ATP2B2: variants seen among roughly 807,000 people sequenced by gnomAD.
The protein encoded by ATP2B2 is ATPase plasma membrane Ca2+ transporting 2.
In ATP2B2, 15 loss-of-function variants were observed where a neutral mutation model predicts 120.0. That is an observed-to-expected ratio of 0.12 (90% CI 0.08 to 0.19). The LOEUF (loss-of-function observed/expected upper bound fraction) is 0.19. ATP2B2 is among the 10% of genes least tolerant of loss of function. ATP2B2 has a pLI of 1.00. For synonymous variants in ATP2B2, 694 were observed against 700.3 expected (o/e 0.99, Z 0.14); for missense variants, 1,045 against 1,719.8 (o/e 0.61, Z 6.94).
intron 9 of ATP2B2, among the ~76,000 whole-genome samples, chr3:10,378,616 C>T (rs970857100): frequency 6.6e-6 from 1 of 152,194 alleles, no homozygotes; most frequent in Non-Finnish European, 1.5e-5. Context: ...CAGTGGTACT[C>T]GCTGCCTCAG....
chr3:10,449,217 G>C, intron 2 of ATP2B2, 128 bp downstream of exon 2: 1 of 1,055,764 alleles, frequency 9.5e-7, no homozygotes, highest in Non-Finnish European at 1.4e-6. Context: ...CACTACAATG[G>C]CCATTCTGGC....
chr3:10,336,015 C>T, intron 22 of ATP2B2: 1 of 1,305,596 alleles, frequency 7.7e-7, no homozygotes, highest in South Asian at 1.4e-5. Context: ...CCCTTCATCC[C>T]CCTGGGCCTG....
chr3:10,684,341 GAGA>G lies in ATP2B2; in HGVS notation c.-460+23571_-460+23573del, dbSNP rs1282007214. Among the ~76,000 whole-genome samples the G allele has an allele frequency of 5.3e-5, 8 of 152,232 alleles. No homozygotes were observed. In the East Asian group the frequency reaches 1.5e-3, roughly 29 times the overall value. On this transcript the variant is annotated intron_variant, in intron 1 of 21. Coordinates refer to the ATP2B2 transcript ENST00000646379. ...CTGGAATGCTGAAAAGCAGAGCTGA[GAGA>G]AGGAGAGGAAAACTGAGCCCTAGTA...
rs73121339 is a variant in ATP2B2 at position 10,534,759 on chromosome 3, A to T, written c.-414-626T>A. On this transcript the variant is annotated intron_variant, in intron 2 of 21. Coordinates refer to the ATP2B2 transcript ENST00000646379. ...TTTTTCAGGATTTTTGTGAGGGGTA[A>T]CTAAAATATAATATGCATAAGTGCC... 6.4e-3 allele frequency among the ~76,000 whole-genome samples: 979 copies of T among 152,228 alleles called. 8 individuals are homozygous for T. Among genetic ancestry groups the T allele is most frequent in the African/African-American group, 0.023 (935 of 41,544 alleles).
chr3:10,613,832 T>C (rs2069307951), intron 2 of ATP2B2, among the ~76,000 whole-genome samples: 1 of 151,254 alleles, frequency 6.6e-6, no homozygotes, highest in South Asian at 2.1e-4. Flanking sequence ...CCACCTCCCC[T>C]GGAATTAAGG....
At chr3:10,663,191 T>G (rs1195789740) in intron 1 of ATP2B2, among the ~76,000 whole-genome samples, 2 of 151,570 alleles carry the variant, frequency 1.3e-5, no homozygotes, top group African/African-American at 4.9e-5. Context: ...TGTATAAATA[T>G]GTAACAAACC....
chr3:10,618,463 G>T (rs772789032), intron 2 of ATP2B2, among the ~76,000 whole-genome samples: 5 of 152,176 alleles, frequency 3.3e-5, no homozygotes, highest in African/African-American at 7.2e-5. Flanking sequence ...AAGAGACAAG[G>T]CTATCGAGGT....
intron 5 of ATP2B2, 92 bp from the exon 6 acceptor site, chr3:10,388,494 C>A (rs1365585998): frequency 5.7e-6 from 9 of 1,583,542 alleles, no homozygotes; most frequent in South Asian, 2.2e-5. Context: ...CAGCTCCTGG[C>A]TCTTTGCCTG....
At chr3:10,371,180 A>G (rs953131885) in intron 12 of ATP2B2, among the ~76,000 whole-genome samples, 7 of 152,336 alleles carry the variant, frequency 4.6e-5, no homozygotes, top group Admixed American at 2.0e-4. Flanking sequence ...GCAAAAAGTG[A>G]TAACGTGGCG....
chr3:10,408,988 G>A (rs1406303284), intron 3 of ATP2B2, among the ~76,000 whole-genome samples: 1 of 152,222 alleles, frequency 6.6e-6, no homozygotes, highest in South Asian at 2.1e-4. Context: ...TGCTGTCTCA[G>A]GGCCTTGGTT....
chr3:10,643,282 C>T (rs1179565018), intron 1 of ATP2B2, among the ~76,000 whole-genome samples: 1 of 152,098 alleles, frequency 6.6e-6, no homozygotes, highest in South Asian at 2.1e-4. Context: ...TGGGAGAGAA[C>T]GGAGAGCTCT....
At position 10,502,173 on chromosome 3, in the gene ATP2B2, C is replaced by G. The variant is rs141971865; in HGVS notation, c.-320+3292G>C. Among the ~76,000 whole-genome samples the G allele has an allele frequency of 3.1e-3, 478 of 152,232 alleles. 2 individuals carry two copies. The highest frequency in any genetic ancestry group is 3.9e-3 in the Non-Finnish European group (266 of 67,984). On this transcript the variant is annotated intron_variant, in intron 1 of 22. Transcript: ENST00000360273. ...ACTAGAGATTTCTTTCCTTTTTTCCCTTTCTGATCTCAGAGTTGGCCAGTT... is the reference window on the plus strand; with the variant it reads ...ACTAGAGATTTCTTTCCTTTTTTCCGTTTCTGATCTCAGAGTTGGCCAGTT...
intron 2 of ATP2B2, among the ~76,000 whole-genome samples, chr3:10,615,815 ACTT>A (rs1348493163): frequency 6.6e-6 from 1 of 152,166 alleles, no homozygotes; most frequent in Admixed American, 6.5e-5. Context: ...TCTCTAACTC[ACTT>A]CTTCTCACTT....
Position 10,422,973 on chromosome 3 carries a change from T to C in ATP2B2, c.200-12158A>G, listed in dbSNP as rs1471048971. ...CTTCCCACATGGGCAGGGAAGTGGG[T>C]GTGGGGGCTGGGGATCTGAGTGGAA... On this transcript the variant is annotated intron_variant, in intron 2 of 22. Transcript: ENST00000360273. 2.0e-5 allele frequency among the ~76,000 whole-genome samples: 3 copies of C among 152,200 alleles called. No homozygotes were observed. In the East Asian group the frequency reaches 5.8e-4, roughly 29 times the overall value.
chr3:10,610,640 G>A (rs897829431), intron 2 of ATP2B2, among the ~76,000 whole-genome samples: 4 of 152,146 alleles, frequency 2.6e-5, no homozygotes, highest in South Asian at 2.1e-4. Context: ...TTTCCTTCTC[G>A]CAAGCAAAAG....
chr3:10,665,458 CAA>C (rs1281233837), intron 1 of ATP2B2, among the ~76,000 whole-genome samples: 5 of 152,146 alleles, frequency 3.3e-5, no homozygotes, highest in Non-Finnish European at 7.3e-5. Flanking sequence ...TATCTCTCAG[CAA>C]GCACAACTTG....
rs528595768 is a variant in ATP2B2, at chr3:10,402,092, A to G, written c.654T>C (p.Tyr218=). The G allele has an allele frequency of 8.7e-6, 14 of 1,613,686 alleles. 2 individuals are homozygous for G. The Admixed American group carries it at 1.8e-4, about 21-fold the overall frequency. The change falls in exon 4 of 23, where the codon TAT becomes TAC. Residue 218 remains tyrosine (Y), a splice_region_variant and synonymous_variant. Transcript: ENST00000360273. The surrounding 1 kb of genome is among the most constrained non-coding windows in gnomAD (Gnocchi z 4.9). ...IVVGDIAQVK[Y]GDLLPADGLF... ...TGGCTCTGTGGCTGGGACACTTACCATATTTGACCTGGGCTATGTCCCCAA... is the reference window on the plus strand; with the variant it reads ...TGGCTCTGTGGCTGGGACACTTACCGTATTTGACCTGGGCTATGTCCCCAA...
chr3:10,359,362 A>G (rs1575007180), intron 13 of ATP2B2, among the ~76,000 whole-genome samples: 1 of 152,072 alleles, frequency 6.6e-6, no homozygotes, highest in Admixed American at 6.5e-5. Context: ...GAGTGATTCC[A>G]ATGTGTACCC....
intron 12 of ATP2B2, among the ~76,000 whole-genome samples, chr3:10,370,138 C>T (rs1296534891): frequency 6.6e-6 from 1 of 152,230 alleles, no homozygotes; most frequent in Non-Finnish European, 1.5e-5. Flanking sequence ...TTCAGCTTTG[C>T]CTCCGGTGCT....
Sources: gnomAD v4.1 joint callset for allele counts (sites outside exome capture counted in the v4.1 genomes callset) on GRCh38, gnomAD v4.1.1 for gene constraint, Gnocchi (gnomAD v3.1) non-coding constraint, MANE v1.5 for transcripts, NCBI Gene and HGNC (gene_info 2026-07-23, HGNC 2026-07-21) for gene names.